Variants in MAP2K6 observed in about 807,000 individuals in gnomAD.
MAP2K6 encodes mitogen-activated protein kinase kinase 6.
A neutral mutation model predicts 53.7 loss-of-function variants in MAP2K6; 16 were observed. The observed-to-expected ratio is 0.30, with a 90% CI of 0.20 to 0.45. The LOEUF (loss-of-function observed/expected upper bound fraction) is 0.45. Ranked by LOEUF, MAP2K6 falls within the 20% of genes least tolerant of loss-of-function variation. The probability of loss-of-function intolerance (pLI) is 1.00; values close to 1 mark genes in which losing one functional copy is unlikely to be tolerated. For synonymous variants in MAP2K6, 132 were observed against 143.1 expected (o/e 0.92, Z 0.55); for missense variants, 204 against 411.9 (o/e 0.50, Z 4.37).
At chr17:69,519,608 T>C in intron 5 of MAP2K6, 176 bp downstream of exon 5, 1 of 663,218 alleles carries the variant, frequency 1.5e-6, no homozygotes, top group African/African-American at 1.9e-5. Flanking sequence ...ATTGAAATTA[T>C]GGTATTTTCA....
At chr17:69,488,586 A>G (rs1908633263) in intron 1 of MAP2K6, among the ~76,000 whole-genome samples, 1 of 152,240 alleles carries the variant, frequency 6.6e-6, no homozygotes, top group Non-Finnish European at 1.5e-5. Flanking sequence ...AATACTATTC[A>G]GCTATAAAAA....
chr17:69,450,702 T>G (rs55987469), intron 1 of MAP2K6, among the ~76,000 whole-genome samples: 11,317 of 142,308 alleles, frequency 0.08, 1,392 homozygotes, highest in African/African-American at 0.27. Flanking sequence ...GTGGGGCCAA[T>G]TTTTTTTTTT....
chr17:69,464,789 C>T (rs913632536), intron 1 of MAP2K6, among the ~76,000 whole-genome samples: 1 of 152,110 alleles, frequency 6.6e-6, no homozygotes, highest in Non-Finnish European at 1.5e-5. Context: ...GATCTCAGCT[C>T]ACTGCAACCT....
At position 69,551,065 on chromosome 17, in the gene MAP2K6, T is replaced by A. The variant is rs1226511963; in HGVS notation, c.*9312T>A. On this transcript the variant is annotated 3_prime_UTR_variant, in exon 12 of 12. Coordinates refer to ENST00000590474, the MANE Select transcript of MAP2K6 (RefSeq NM_002758.4). ...CATTATAGATCCTTACATGCGACAT[T>A]TTCCTAAAGTGGTTGAGAATGACCT... 6.6e-6 allele frequency: 1 copy of A among 152,142 alleles called. No homozygotes were observed. 9.4% of individuals were successfully genotyped at this position (152,142 alleles called of 1,614,324 possible).
chr17:69,460,048 TTTCTTTCCTCCA>T (rs1168540827), intron 1 of MAP2K6, among the ~76,000 whole-genome samples: 1 of 151,166 alleles, frequency 6.6e-6, no homozygotes, highest in African/African-American at 2.4e-5. Context: ...CCTTCATCTT[TTTCTTTCCTCCA>T]TTCTTTCTTT....
chr17:69,523,071 C>T (rs1205828686), intron 7 of MAP2K6, among the ~76,000 whole-genome samples: 1 of 152,038 alleles, frequency 6.6e-6, no homozygotes, highest in Non-Finnish European at 1.5e-5. Context: ...AAGAAAAAAC[C>T]AAACCAAACA....
chr17:69,517,529 G>C lies in MAP2K6; in HGVS notation c.162G>C (p.Glu54Asp). ...TTGAGGTGAAGGCAGATGACCTGGAGCCTATAATGGAACTGGGACGAGGTG... is the reference window on the plus strand; with the variant it reads ...TTGAGGTGAAGGCAGATGACCTGGACCCTATAATGGAACTGGGACGAGGTG... ...QNFEVKADDLEPIMELGRGAY... is the reference protein window; with the variant it reads ...QNFEVKADDLDPIMELGRGAY... Residue 54 changes from glutamate to aspartate, a missense_variant, in exon 4 of 12, where the codon GAG becomes GAC. This residue lies in a region of MAP2K6 where 129 missense variants were observed against 247.1 expected (regional missense o/e 0.52). Transcript: ENST00000590474. 1.9e-6 allele frequency: 3 copies of C among 1,610,326 alleles called. No homozygotes were observed. The Admixed American group carries it at 5.0e-5, about 27-fold the overall frequency.
chr17:69,528,660 A>C (rs1404442661), intron 10 of MAP2K6, among the ~76,000 whole-genome samples: 2 of 152,006 alleles, frequency 1.3e-5, no homozygotes, highest in African/African-American at 2.4e-5. Flanking sequence ...GGAGTTCGAG[A>C]CCAGCCTGAC....
intron 7 of MAP2K6, among the ~76,000 whole-genome samples, chr17:69,522,237 T>A (rs1035360300): frequency 2.0e-5 from 3 of 152,162 alleles, no homozygotes; most frequent in Non-Finnish European, 2.9e-5. Context: ...TTATTGTTAG[T>A]TGTTATTATT....
At chr17:69,466,383 A>G in intron 1 of MAP2K6, among the ~76,000 whole-genome samples, 1 of 151,902 alleles carries the variant, frequency 6.6e-6, no homozygotes, top group East Asian at 1.9e-4. Context: ...CCCTTCCTCT[A>G]TGGAAAAGCA....
chr17:69,457,907 G>A (rs1168593074), intron 1 of MAP2K6, among the ~76,000 whole-genome samples: 1 of 152,210 alleles, frequency 6.6e-6, no homozygotes, highest in African/African-American at 2.4e-5. Context: ...GAAGATTCCT[G>A]TGCACATTAA....
intron 1 of MAP2K6, among the ~76,000 whole-genome samples, chr17:69,483,924 C>T (rs1285193923): frequency 2.0e-5 from 3 of 151,986 alleles, no homozygotes; most frequent in African/African-American, 7.2e-5. Flanking sequence ...CCCTTACCTC[C>T]CACCATATAC....
intron 1 of MAP2K6, among the ~76,000 whole-genome samples, chr17:69,504,271 T>TC (rs767516082): frequency 2.6e-5 from 4 of 151,192 alleles, no homozygotes; most frequent in Non-Finnish European, 5.9e-5. Flanking sequence ...GAGGTAGGAT[T>TC]CTTTTTTTTT....
At chr17:69,429,902 G>C (rs1391399268) in intron 1 of MAP2K6, among the ~76,000 whole-genome samples, 2 of 152,164 alleles carry the variant, frequency 1.3e-5, no homozygotes, top group African/African-American at 4.8e-5. Flanking sequence ...TGTGGGGCCT[G>C]GGCATCCCTT....
At chr17:69,502,017 C>A in intron 1 of MAP2K6, 2 of 318,412 alleles carry the variant, frequency 6.3e-6, no homozygotes, top group Non-Finnish European at 9.0e-6. Flanking sequence ...CAGCTGGAAA[C>A]TGACCACATA....
intron 2 of MAP2K6, among the ~76,000 whole-genome samples, chr17:69,515,728 T>A (rs2715824): frequency 0.53 from 79,895 of 152,044 alleles, 22,211 homozygotes; most frequent in African/African-American, 0.72. Flanking sequence ...ACAGCCTGGT[T>A]GAGTAGAGAG....
In MAP2K6 at chr17:69,498,286, G is replaced by GACAA. The variant is rs10610312; in HGVS notation, c.17-7474_17-7471dup. Among the ~76,000 whole-genome samples the GACAA allele has an allele frequency of 7.5e-3, 1,137 of 151,576 alleles. 7 individuals are homozygous for GACAA. The highest frequency in any genetic ancestry group is 0.013 in the African/African-American group (525 of 41,262). ...CATAAAGTGAGAAATGGTAAAACAA[G>GACAA]ACAAACAAACAAACAAACAAACACA... On this transcript the variant is annotated intron_variant, in intron 1 of 11. Coordinates refer to ENST00000590474, the MANE Select transcript of MAP2K6 (RefSeq NM_002758.4).
chr17:69,470,096 T>C (rs910854753), intron 1 of MAP2K6, among the ~76,000 whole-genome samples: 3 of 152,092 alleles, frequency 2.0e-5, no homozygotes, highest in African/African-American at 7.2e-5. Context: ...TCCTAGCTAC[T>C]CAGGAGGCTA....
chr17:69,427,440 A>C (rs1231636224), intron 1 of MAP2K6, among the ~76,000 whole-genome samples: 1 of 152,198 alleles, frequency 6.6e-6, no homozygotes, highest in African/African-American at 2.4e-5. Context: ...AGGAAGATAA[A>C]AATACAGGAT....
Sources: allele counts gnomAD v4.1 joint callset (sites outside exome capture counted in the v4.1 genomes callset), GRCh38; gene constraint gnomAD v4.1.1; regional missense constraint gnomAD v4.1.1; transcripts MANE v1.5; gene names NCBI Gene and HGNC (gene_info 2026-07-23, HGNC 2026-07-21).